The following RHEB variants were observed in gnomAD, a reference collection of about 807,000 sequenced individuals.
RHEB encodes Ras homolog, mTORC1 binding.
Under a neutral mutation model 28.8 loss-of-function variants are expected in RHEB, and 2 were observed. The observed-to-expected ratio is 0.07, with a 90% CI of 0.03 to 0.22. The LOEUF (loss-of-function observed/expected upper bound fraction) is 0.22. Ranked by LOEUF, RHEB falls within the 10% of genes least tolerant of loss-of-function variation. RHEB has a pLI of 1.00. For missense variants in RHEB, 76 were observed against 219.9 expected, an observed-to-expected ratio of 0.35 and a Z score of 4.14; for synonymous variants, 69 against 77.3, an observed-to-expected ratio of 0.89 and a Z score of 0.56.
chr7:151,507,558 C>G (rs1021361201), intron 1 of RHEB, among the ~76,000 whole-genome samples: 4 of 151,990 alleles, frequency 2.6e-5, no homozygotes, highest in African/African-American at 4.8e-5. Context: ...AGTGAGACAC[C>G]GTTAGAGTTT....
At chr7:151,486,865 A>C (rs887730531) in intron 2 of RHEB, among the ~76,000 whole-genome samples, 1 of 152,224 alleles carries the variant, frequency 6.6e-6, no homozygotes, top group Non-Finnish European at 1.5e-5. Context: ...GAAAATGAAG[A>C]GTCAGGATGA....
chr7:151,508,280 G>A (rs1017479704), intron 1 of RHEB, among the ~76,000 whole-genome samples: 7 of 152,138 alleles, frequency 4.6e-5, no homozygotes, highest in African/African-American at 1.4e-4. Context: ...ATACTCATCC[G>A]TCAGCCTGAA....
rs56134749 is a variant in RHEB at position 151,509,089 on chromosome 7, G to A, written c.52+10371C>T. Among the ~76,000 whole-genome samples, 1,347 of 152,282 alleles carry A rather than the reference G, an allele frequency of 8.8e-3. 18 individuals carry two copies. Among genetic ancestry groups the A allele is most frequent in the African/African-American group, 0.03 (1,264 of 41,558 alleles). On this transcript the variant is annotated intron_variant, in intron 1 of 7. Coordinates refer to ENST00000262187, the MANE Select transcript of RHEB (RefSeq NM_005614.4). ...AGAGTCCAACTCCCCCTCCCAGCAAGCAGGAATGACAAACATCCTTGTAGT... is the reference window on the plus strand; with the variant it reads ...AGAGTCCAACTCCCCCTCCCAGCAAACAGGAATGACAAACATCCTTGTAGT...
chr7:151,469,014 G>A (rs1337424476), intron 7 of RHEB, among the ~76,000 whole-genome samples: 1 of 152,198 alleles, frequency 6.6e-6, no homozygotes, highest in African/African-American at 2.4e-5. Flanking sequence ...ACAGTCCATA[G>A]GCACTCAATG....
At chr7:151,474,961 A>T (rs1802247239) in intron 4 of RHEB, among the ~76,000 whole-genome samples, 1 of 152,248 alleles carries the variant, frequency 6.6e-6, no homozygotes, top group South Asian at 2.1e-4. Flanking sequence ...CTCATGTTTG[A>T]GATTTGAGAA....
rs1253788576 is a variant in RHEB at position 151,468,415 on chromosome 7, C to T, written c.463-1204G>A. On this transcript the variant is annotated intron_variant, in intron 7 of 7. Coordinates refer to ENST00000262187, the MANE Select transcript of RHEB (RefSeq NM_005614.4). The surrounding 1 kb of genome is among the most constrained non-coding windows in gnomAD (Gnocchi z 4.3). ...CGCTGGCACGGTGCCCGCGGCCACA[C>T]CGTAAACGCTGCCCAGGGAAAACAC... Among the ~76,000 whole-genome samples, 1 of 152,220 alleles carries T rather than the reference C, an allele frequency of 6.6e-6. No individual in the cohort carries two copies. Among genetic ancestry groups the T allele is most frequent in the Non-Finnish European group, 1.5e-5 (1 of 68,046 alleles).
chr7:151,489,106 G>C (rs1164687740), intron 2 of RHEB, among the ~76,000 whole-genome samples: 1 of 152,144 alleles, frequency 6.6e-6, no homozygotes, highest in African/African-American at 2.4e-5. Context: ...TTCCAGCTCA[G>C]TATGAAATGG....
At chr7:151,479,543 C>G (rs537348613) in intron 3 of RHEB, among the ~76,000 whole-genome samples, 2 of 151,846 alleles carry the variant, frequency 1.3e-5, no homozygotes, top group Non-Finnish European at 2.9e-5. Context: ...ACTAGCTGGG[C>G]GTGGTGGCGG....
chr7:151,468,941 T>G lies in RHEB; in HGVS notation c.462+1630A>C, dbSNP rs1802112507. On this transcript the variant is annotated intron_variant, in intron 7 of 7. Coordinates refer to ENST00000262187, the MANE Select transcript of RHEB (RefSeq NM_005614.4). The surrounding 1 kb of genome is among the most constrained non-coding windows in gnomAD (Gnocchi z 4.3). Reference sequence around the variant, plus strand: ...GGTGATCTTAGAAAAGTCATTTAACTTCTCTGAAACTTAATTTCCTCACTT... The same window carrying G: ...GGTGATCTTAGAAAAGTCATTTAACGTCTCTGAAACTTAATTTCCTCACTT... 6.6e-6 allele frequency among the ~76,000 whole-genome samples: 1 copy of G among 152,234 alleles called. No homozygotes were observed. The highest frequency in any genetic ancestry group is 2.4e-5 in the African/African-American group (1 of 41,464).
In RHEB at chr7:151,519,801, G is replaced by A. The variant is rs1444508785; in HGVS notation, c.-290C>T. 3 of 304,078 alleles carry A rather than the reference G, an allele frequency of 9.9e-6. No individual in the cohort carries two copies. Among genetic ancestry groups the A allele is most frequent in the Non-Finnish European group, 1.8e-5 (3 of 165,406 alleles). 18.8% of individuals were successfully genotyped at this position (304,078 alleles called of 1,614,324 possible). On this transcript the variant is annotated 5_prime_UTR_variant, in exon 1 of 8. In the 5' UTR this introduces an upstream ATG that the reference lacks. Transcript: ENST00000262187. Reference sequence around the variant, plus strand: ...GCCCCCCGAAATACGCGGGGGGTGCGTCGGGGCGACGTTTTACTTTAAAGG... The same window carrying A: ...GCCCCCCGAAATACGCGGGGGGTGCATCGGGGCGACGTTTTACTTTAAAGG...
intron 1 of RHEB, among the ~76,000 whole-genome samples, chr7:151,516,637 A>G (rs1049742480): frequency 6.6e-6 from 1 of 151,730 alleles, no homozygotes; most frequent in African/African-American, 2.4e-5. Context: ...AAAAAAAAAA[A>G]AAAAAAAGAA....
chr7:151,506,472 G>A (rs1015882631), intron 1 of RHEB, among the ~76,000 whole-genome samples: 2 of 152,012 alleles, frequency 1.3e-5, no homozygotes, highest in South Asian at 2.1e-4. Context: ...ATCCTATAAC[G>A]TGCTTTGTGA....
chr7:151,505,376 C>T (rs1322440673), intron 1 of RHEB, among the ~76,000 whole-genome samples: 1 of 152,096 alleles, frequency 6.6e-6, no homozygotes, highest in African/African-American at 2.4e-5. Flanking sequence ...CTTCACAAAC[C>T]AAGATATCCA....
At chr7:151,506,551 A>G (rs1284504533) in intron 1 of RHEB, among the ~76,000 whole-genome samples, 1 of 152,194 alleles carries the variant, frequency 6.6e-6, no homozygotes, top group African/African-American at 2.4e-5. Context: ...ATTATTATTA[A>G]TATTAGTAAT....
chr7:151,516,555 A>C (rs1335646265), intron 1 of RHEB, among the ~76,000 whole-genome samples: 1 of 146,384 alleles, frequency 6.8e-6, no homozygotes, highest in Non-Finnish European at 1.5e-5. Flanking sequence ...CCTGGGCAGC[A>C]GAGGTTGCAG....
intron 1 of RHEB, among the ~76,000 whole-genome samples, chr7:151,512,971 GTAGT>G (rs1325256005): frequency 6.6e-6 from 1 of 152,214 alleles, no homozygotes; most frequent in Non-Finnish European, 1.5e-5. Context: ...ATCAAAAACA[GTAGT>G]TACAAACTGA....
At chr7:151,515,372 A>T (rs561952360) in intron 1 of RHEB, among the ~76,000 whole-genome samples, 1 of 152,356 alleles carries the variant, frequency 6.6e-6, no homozygotes, top group South Asian at 2.1e-4. Flanking sequence ...TAATGAGTAC[A>T]GAGTTTCTTT....
Position 151,468,747 on chromosome 7 carries a change from C to T in RHEB, c.463-1536G>A, listed in dbSNP as rs1412883901. On this transcript the variant is annotated intron_variant, in intron 7 of 7. Transcript: ENST00000262187. The surrounding 1 kb of genome is among the most constrained non-coding windows in gnomAD (Gnocchi z 4.3). ...TGTCCTGTTGGTATGAATGAGGCGT[C>T]TGTCCTCCTAGTTAACTGAAGCCAA... Among the ~76,000 whole-genome samples, 1 of 152,238 alleles carries T rather than the reference C, an allele frequency of 6.6e-6. No homozygotes were observed. Among genetic ancestry groups the T allele is most frequent in the Non-Finnish European group, 1.5e-5 (1 of 68,040 alleles).
chr7:151,505,303 T>G (rs1469114505), intron 1 of RHEB, among the ~76,000 whole-genome samples: 1 of 152,222 alleles, frequency 6.6e-6, no homozygotes, highest in Admixed American at 6.5e-5. Context: ...AAAGGACTTT[T>G]ATTCAGAATA....
Sources: allele counts gnomAD v4.1 joint callset (sites outside exome capture counted in the v4.1 genomes callset), GRCh38; gene constraint gnomAD v4.1.1; non-coding constraint Gnocchi (gnomAD v3.1); transcripts MANE v1.5; gene names NCBI Gene and HGNC (gene_info 2026-07-23, HGNC 2026-07-21).